TXNRD1: variants seen among roughly 807,000 people sequenced by gnomAD.
The protein encoded by TXNRD1 is thioredoxin reductase 1, cytoplasmic.
Under a neutral mutation model 80.3 loss-of-function variants are expected in TXNRD1, and 57 were observed. The ratio of observed to expected loss-of-function variants is 0.71; its 90% CI spans 0.57 to 0.89. TXNRD1 has a LOEUF of 0.89. Ranked by LOEUF, TXNRD1 falls within the 40% of genes least tolerant of loss-of-function variation. The pLI is 0.00. For missense variants in TXNRD1, 730 were observed against 803.0 expected, an observed-to-expected ratio of 0.91 and a Z score of 1.10; for synonymous variants, 291 against 285.2, an observed-to-expected ratio of 1.02 and a Z score of -0.20.
intron 10 of TXNRD1, 120 bp downstream of exon 10, chr12:104,321,436 C>A: frequency 1.3e-6 from 1 of 760,800 alleles, no homozygotes; most frequent in African/African-American, 1.7e-5. Context: ...TGCTGATTCC[C>A]CTACTGTTGT....
intron 3 of TXNRD1, among the ~76,000 whole-genome samples, chr12:104,270,137 G>A (rs1268158037): frequency 6.6e-6 from 1 of 152,134 alleles, no homozygotes; most frequent in Non-Finnish European, 1.5e-5. Flanking sequence ...TCCTGTTAAT[G>A]TTGATATATT....
Position 104,254,301 on chromosome 12 carries a change from C to G in TXNRD1, c.243+2623C>G, listed in dbSNP as rs150352412. 2.0e-5 allele frequency among the ~76,000 whole-genome samples: 3 copies of G among 152,174 alleles called. No individual in the cohort carries two copies. The East Asian group carries it at 5.8e-4, about 29-fold the overall frequency. The stretch of plus-strand genomic sequence containing the variant: ...AAATAAAAGAACTACTTGCATTTTT[C>G]CTTTTCCTATCAGGACTTAAAACCT... On this transcript the variant is annotated intron_variant, in intron 2 of 16. Transcript: ENST00000525566.
chr12:104,223,341 TG>T (rs1400377604), intron 1 of TXNRD1, among the ~76,000 whole-genome samples: 2 of 152,212 alleles, frequency 1.3e-5, no homozygotes, highest in African/African-American at 4.8e-5. Context: ...CACAAAGATT[TG>T]TTTAGAAGTG....
At chr12:104,236,346 A>G (rs541909095) in intron 1 of TXNRD1, among the ~76,000 whole-genome samples, 114 of 152,290 alleles carry the variant, frequency 7.5e-4, no homozygotes, top group Middle Eastern at 3.4e-3. Context: ...TACCTTGTAC[A>G]CTTGCATTAA....
chr12:104,256,401 T>A (rs1207537978), intron 2 of TXNRD1, among the ~76,000 whole-genome samples: 1 of 152,226 alleles, frequency 6.6e-6, no homozygotes. Flanking sequence ...ATTGCAATAT[T>A]TATTTCTTAT....
intron 4 of TXNRD1, among the ~76,000 whole-genome samples, chr12:104,297,037 C>T (rs557832902): frequency 4.9e-4 from 75 of 152,296 alleles, no homozygotes; most frequent in Non-Finnish European, 7.6e-4. Flanking sequence ...GGTGTGGTGG[C>T]TCATGCCTGT....
intron 1 of TXNRD1, among the ~76,000 whole-genome samples, chr12:104,228,363 T>G (rs1038411807): frequency 1.3e-5 from 2 of 150,706 alleles, no homozygotes; most frequent in Non-Finnish European, 2.9e-5. Context: ...CCGGTTGTGG[T>G]GGCTTACTCC....
At chr12:104,261,321 G>A (rs539158323) in intron 3 of TXNRD1, among the ~76,000 whole-genome samples, 1 of 152,022 alleles carries the variant, frequency 6.6e-6, no homozygotes, top group Non-Finnish European at 1.5e-5. Flanking sequence ...GCGCCACCAC[G>A]GCCAATTTAT....
At chr12:104,251,875 C>G (rs113078075) in intron 2 of TXNRD1, among the ~76,000 whole-genome samples, 197 bp downstream of exon 2, 65 of 152,094 alleles carry the variant, frequency 4.3e-4, no homozygotes, top group African/African-American at 1.5e-3. Context: ...ACCATCCTGG[C>G]CAACATGATG....
intron 8 of TXNRD1, 102 bp from the exon 9 acceptor site, chr12:104,319,368 G>T: frequency 1.3e-6 from 1 of 758,752 alleles, no homozygotes; most frequent in South Asian, 1.8e-5. Flanking sequence ...CTCATTATGA[G>T]GATGAAATGA....
At chr12:104,337,594 C>T (rs34826797) in intron 15 of TXNRD1, among the ~76,000 whole-genome samples, 3 of 151,826 alleles carry the variant, frequency 2.0e-5, no homozygotes, top group Non-Finnish European at 4.4e-5. Context: ...CAGTGGCTCA[C>T]GCCTGTAATC....
At chr12:104,273,478 A>T (rs1489273402) in intron 3 of TXNRD1, among the ~76,000 whole-genome samples, 1 of 152,158 alleles carries the variant, frequency 6.6e-6, no homozygotes. Context: ...CTATAGTCCC[A>T]GCTACTCAGG....
chr12:104,266,062 A>T (rs2135717753), intron 3 of TXNRD1, among the ~76,000 whole-genome samples: 1 of 151,972 alleles, frequency 6.6e-6, no homozygotes, highest in African/African-American at 2.4e-5. Flanking sequence ...CACTTTGATT[A>T]TTAATGAGGC....
intron 12 of TXNRD1, 79 bp downstream of exon 12, chr12:104,326,502 G>C: frequency 1.3e-6 from 1 of 774,416 alleles, no homozygotes; most frequent in Non-Finnish European, 1.8e-6. Flanking sequence ...TTTCTCTCTT[G>C]TCTCCCAGGC....
chr12:104,327,544 A>G lies in TXNRD1; in HGVS notation c.1415A>G (p.Glu472Gly). 6.2e-7 allele frequency: 1 copy of G among 1,613,690 alleles called. No individual in the cohort carries two copies. The highest frequency in any genetic ancestry group is 8.5e-7 in the Non-Finnish European group (1 of 1,179,782). Residue 472 changes from glutamate (E) to glycine (G), a missense_variant, in exon 13 of 17, where the codon GAA (glutamate) becomes GGA (glycine). By Grantham distance (98) the Glu-to-Gly change is moderately conservative. Transcript: ENST00000525566. ...KTGKIPVTDEEQTNVPYIYAI... is the reference protein window; with the variant it reads ...KTGKIPVTDEGQTNVPYIYAI... Reference sequence around the variant, plus strand: ...GGAAAAATACCTGTCACAGATGAAGAACAGACCAATGTGCCTTACATCTAT... The same window carrying G: ...GGAAAAATACCTGTCACAGATGAAGGACAGACCAATGTGCCTTACATCTAT...
chr12:104,271,815 A>G (rs1158111194), intron 3 of TXNRD1, among the ~76,000 whole-genome samples: 8 of 151,966 alleles, frequency 5.3e-5, no homozygotes, highest in African/African-American at 2.4e-5. Flanking sequence ...GGTTGCAGTA[A>G]GCCAAGATCA....
intron 1 of TXNRD1, among the ~76,000 whole-genome samples, chr12:104,239,262 C>T (rs1455322729): frequency 2.6e-5 from 4 of 151,084 alleles, no homozygotes; most frequent in Non-Finnish European, 4.4e-5. Flanking sequence ...GGCGCGATCT[C>T]GGCTCACTGC....
At chr12:104,339,294 C>T in intron 16 of TXNRD1, 21 bp downstream of exon 16, 3 of 1,613,426 alleles carry the variant, frequency 1.9e-6, no homozygotes, top group South Asian at 2.2e-5. Flanking sequence ...TACACTTATA[C>T]AGTTTAAAAT....
intron 4 of TXNRD1, chr12:104,304,359 G>T: frequency 6.2e-7 from 1 of 1,614,026 alleles, no homozygotes; most frequent in Non-Finnish European, 8.5e-7. Context: ...TTGAGTGATT[G>T]TGATGATAGC....
Sources: gnomAD v4.1 joint callset for allele counts (sites outside exome capture counted in the v4.1 genomes callset) on GRCh38, gnomAD v4.1.1 for gene constraint, MANE v1.5 for transcripts, NCBI Gene and HGNC (gene_info 2026-07-23, HGNC 2026-07-21) for gene names.